PPP2R1B: variants seen among roughly 807,000 people sequenced by gnomAD.
PPP2R1B encodes serine/threonine-protein phosphatase 2A 65 kDa regulatory subunit A beta isoform.
A neutral mutation model predicts 72.7 loss-of-function variants in PPP2R1B; 58 were observed. The observed-to-expected ratio is 0.80, with a 90% CI of 0.65 to 0.99. The LOEUF is 0.99. PPP2R1B is among the 50% of genes least tolerant of loss of function. The pLI is 0.00. For synonymous variants in PPP2R1B, 256 were observed against 264.6 expected, an observed-to-expected ratio of 0.97 and a Z score of 0.32; for missense variants, 695 against 733.6, an observed-to-expected ratio of 0.95 and a Z score of 0.61.
chr11:111,763,550 G>A (rs1440683510), intron 3 of PPP2R1B, among the ~76,000 whole-genome samples: 2 of 152,186 alleles, frequency 1.3e-5, no homozygotes, highest in Admixed American at 1.3e-4. Flanking sequence ...GTCTGGACTA[G>A]GCTGGTAATA....
chr11:111,733,679 G>A (rs956232640), downstream of PPP2R1B, among the ~76,000 whole-genome samples: 2 of 152,152 alleles, frequency 1.3e-5, no homozygotes, highest in Non-Finnish European at 2.9e-5. Context: ...CTCCAAGCAC[G>A]CCACACATAG....
At chr11:111,747,685 T>C in intron 11 of PPP2R1B, among the ~76,000 whole-genome samples, 1 of 152,182 alleles carries the variant, frequency 6.6e-6, no homozygotes, top group East Asian at 1.9e-4. Flanking sequence ...TAAGTAGATA[T>C]ATAAAAGAGA....
At chr11:111,723,928 C>G, downstream of PPP2R1B, 1 of 1,614,016 alleles carries the variant, frequency 6.2e-7, no homozygotes, top group Non-Finnish European at 8.5e-7. Context: ...CTGCGCCAGA[C>G]TATCCCACTC....
chr11:111,752,636 G>C (rs1200868864), intron 9 of PPP2R1B, among the ~76,000 whole-genome samples: 1 of 152,174 alleles, frequency 6.6e-6, no homozygotes, highest in Non-Finnish European at 1.5e-5. Context: ...GAAAGACCTT[G>C]CTCAAGTTAC....
chr11:111,748,392 C>T (rs986248039), intron 10 of PPP2R1B, among the ~76,000 whole-genome samples: 6 of 152,242 alleles, frequency 3.9e-5, no homozygotes, highest in Admixed American at 1.3e-4. Context: ...AATTCTCAAT[C>T]GTCTTCCCTT....
chr11:111,741,260 A>G lies in PPP2R1B; in HGVS notation c.*336T>C. On this transcript the variant is annotated 3_prime_UTR_variant, in exon 15 of 15. Transcript: ENST00000527614. ...TCCACGTCTGGGTCCACACCCTTCC[A>G]GGCTTTGTCTGGAACATTATGTGGC... 1 of 1,124,842 alleles carries G rather than the reference A, an allele frequency of 8.9e-7. No homozygotes were observed. The highest frequency in any genetic ancestry group is 1.1e-6 in the Non-Finnish European group (1 of 917,688). The allele number at this position is 1,124,842 out of a possible 1,614,324, so 69.7% of individuals were successfully genotyped here. A position where few individuals can be genotyped will look rare whatever the true frequency, so the allele number is the denominator to read the frequency against.
At chr11:111,727,079 A>G (rs1248410816) in intron 15 of PPP2R1B, 1 of 1,600,470 alleles carries the variant, frequency 6.2e-7, no homozygotes, top group African/African-American at 1.3e-5. Context: ...ACAGCATGTT[A>G]GCCCGACAGG....
chr11:111,735,913 C>T (rs541142644), downstream of PPP2R1B, among the ~76,000 whole-genome samples: 23 of 152,356 alleles, frequency 1.5e-4, no homozygotes, highest in Admixed American at 3.3e-4. Context: ...CTCTGCCTGG[C>T]AACAGCCAAT....
the PPP2R1B span, among the ~76,000 whole-genome samples, chr11:111,711,775 C>T: frequency 6.6e-6 from 1 of 152,320 alleles, no homozygotes; most frequent in South Asian, 2.1e-4. Context: ...TCCAGCGTCC[C>T]TTGTGTTGTA....
At chr11:111,758,462 C>T (rs542684630) in intron 5 of PPP2R1B, among the ~76,000 whole-genome samples, 13 of 152,132 alleles carry the variant, frequency 8.5e-5, no homozygotes, top group Non-Finnish European at 1.3e-4. Flanking sequence ...TGGTGGCATG[C>T]GCCTGTAGTC....
chr11:111,688,936 T>A, the PPP2R1B span, among the ~76,000 whole-genome samples: 1 of 152,186 alleles, frequency 6.6e-6, no homozygotes, highest in Non-Finnish European at 1.5e-5. This position sits in a 1 kb window ranked among gnomAD's most constrained non-coding sequence, Gnocchi z 4.2. Flanking sequence ...AGTTGCAATT[T>A]TAAAAGTATA....
rs553501130 is a variant in PPP2R1B, at chr11:111,739,921, C to T, written c.*1675G>A. The T allele has an allele frequency of 1.5e-4, 148 of 981,028 alleles. 1 individual carries two copies. In the South Asian group the frequency reaches 6.2e-3, roughly 41 times the overall value. 60.8% of individuals were successfully genotyped at this position (981,028 alleles called of 1,614,324 possible). Reference sequence around the variant, plus strand: ...TAAGGTAATTTGGCAGTTTAAAATGCAGACAGATAACCTCTGATTTACAAT... The same window carrying T: ...TAAGGTAATTTGGCAGTTTAAAATGTAGACAGATAACCTCTGATTTACAAT... On this transcript the variant is annotated 3_prime_UTR_variant, in exon 15 of 15. Transcript: ENST00000527614.
the PPP2R1B span, among the ~76,000 whole-genome samples, chr11:111,690,272 C>CTT: frequency 2.8e-3 from 361 of 130,432 alleles, 3 homozygotes; most frequent in South Asian, 7.2e-3. Context: ...GAAGGTCTTT[C>CTT]TTTTTTTTTT....
At chr11:111,719,937 C>T in the PPP2R1B span, 8 of 1,614,152 alleles carry the variant, frequency 5.0e-6, no homozygotes, top group Non-Finnish European at 5.9e-6. Context: ...TCAGTCCACA[C>T]GCAGCGGGCA....
the PPP2R1B span, chr11:111,720,905 T>C: frequency 6.2e-7 from 1 of 1,613,502 alleles, no homozygotes; most frequent in Non-Finnish European, 8.5e-7. Context: ...TCAGGAATTG[T>C]AGCATTTAGA....
At chr11:111,708,869 C>T in the PPP2R1B span, among the ~76,000 whole-genome samples, 1 of 152,150 alleles carries the variant, frequency 6.6e-6, no homozygotes, top group African/African-American at 2.4e-5. Context: ...ATTGCAGGAC[C>T]TGATGAAGGT....
At position 111,738,487 on chromosome 11, in the gene PPP2R1B, A is replaced by G; in HGVS notation, c.*3109T>C. On this transcript the variant is annotated 3_prime_UTR_variant, in exon 15 of 15. Transcript: ENST00000527614. The stretch of plus-strand genomic sequence containing the variant: ...CACCAGGTTAACCGCCGGGTCAGGA[A>G]GGACAGGCTTGCTTCCCTGGAAGTC... The G allele has an allele frequency of 1.0e-6, 1 of 985,460 alleles. No homozygotes were observed. Among genetic ancestry groups the G allele is most frequent in the Non-Finnish European group, 1.2e-6 (1 of 829,956 alleles). 61.0% of individuals were successfully genotyped at this position (985,460 alleles called of 1,614,324 possible). A position where few individuals can be genotyped will look rare whatever the true frequency, so the allele number is the denominator to read the frequency against.
chr11:111,693,160 C>T, the PPP2R1B span, among the ~76,000 whole-genome samples: 1 of 151,954 alleles, frequency 6.6e-6, no homozygotes, highest in East Asian at 1.9e-4. Flanking sequence ...GGTGAAACCC[C>T]GTCTCTACTA....
At chr11:111,693,105 G>A in the PPP2R1B span, among the ~76,000 whole-genome samples, 30 of 152,152 alleles carry the variant, frequency 2.0e-4, no homozygotes, top group Non-Finnish European at 3.7e-4. Flanking sequence ...GGGCCAAGGT[G>A]GGCGGATCAC....
Sources: gnomAD v4.1 joint callset for allele counts (sites outside exome capture counted in the v4.1 genomes callset) on GRCh38, gnomAD v4.1.1 for gene constraint, Gnocchi (gnomAD v3.1) non-coding constraint, MANE v1.5 for transcripts, NCBI Gene and HGNC (gene_info 2026-07-23, HGNC 2026-07-21) for gene names.